Variants in ASIC2 observed in about 807,000 individuals in gnomAD.
ASIC2 encodes acid sensing ion channel subunit 2, also known as acid-sensing ion channel 2.
ASIC2 carries 25 observed loss-of-function variants against 57.3 expected under a neutral mutation model. The ratio of observed to expected loss-of-function variants is 0.44; its 90% confidence interval spans 0.32 to 0.61. The LOEUF is 0.61. Among genes scored for constraint, ASIC2 ranks in the 20% least tolerant of loss-of-function variants. The pLI, the probability that ASIC2 is intolerant of heterozygous loss-of-function variation, is 0.06. For missense variants in ASIC2, 641 were observed against 738.1 expected (o/e 0.87, Z 1.52); for synonymous variants, 319 against 307.5 (o/e 1.04, Z -0.39).
At chr17:34,059,723 TC>T (rs935557262) in intron 1 of ASIC2, among the ~76,000 whole-genome samples, 5 of 151,936 alleles carry the variant, frequency 3.3e-5, no homozygotes, top group Non-Finnish European at 5.9e-5. Flanking sequence ...CTGCCGGCTT[TC>T]CCCTACTTCC....
In ASIC2 at chr17:33,017,615, T is replaced by C. The variant is rs768371253; in HGVS notation, c.1511A>G (p.Tyr504Cys). The change falls in exon 8 of 10, where the codon TAT (tyrosine) becomes TGT (cysteine). Residue 504 changes from tyrosine to cysteine, a missense_variant. Coordinates refer to ENST00000225823, the MANE Select transcript of ASIC2 (RefSeq NM_183377.2). The stretch of plus-strand genomic sequence containing the variant: ...AATCCCAAATCTTACCTCATAAATA[T>C]AATCAAAGAGCTCTAGTATTGTAAG... Reference protein sequence around the residue: ...SILTILELFDYIYELIKEKLL... With the variant: ...SILTILELFDCIYELIKEKLL... The C allele has an allele frequency of 1.9e-6, 3 of 1,612,684 alleles. No homozygotes were observed. The East Asian group carries it at 6.7e-5, about 36-fold the overall frequency.
chr17:34,016,285 G>A (rs975511547), intron 1 of ASIC2, among the ~76,000 whole-genome samples: 4 of 151,954 alleles, frequency 2.6e-5, no homozygotes, highest in South Asian at 2.1e-4. Flanking sequence ...TTGGCCAGGC[G>A]CGGTGGTGGG....
chr17:33,405,780 C>A (rs550602159), intron 1 of ASIC2, among the ~76,000 whole-genome samples: 8 of 152,218 alleles, frequency 5.3e-5, no homozygotes, highest in African/African-American at 1.9e-4. Flanking sequence ...CCACACCGGG[C>A]CAAGACAGCA....
At chr17:33,411,535 G>A (rs553237531) in intron 1 of ASIC2, among the ~76,000 whole-genome samples, 3 of 152,300 alleles carry the variant, frequency 2.0e-5, no homozygotes, top group East Asian at 1.9e-4. Context: ...AAGCTGGCAA[G>A]GAAGGGAAAG....
At chr17:33,191,457 A>G (rs1256442989) in intron 1 of ASIC2, among the ~76,000 whole-genome samples, 1 of 152,124 alleles carries the variant, frequency 6.6e-6, no homozygotes, top group Non-Finnish European at 1.5e-5. Context: ...ATCAGATTAA[A>G]CACTTTAAAT....
At chr17:33,800,031 G>C (rs1267175373) in intron 1 of ASIC2, among the ~76,000 whole-genome samples, 1 of 152,160 alleles carries the variant, frequency 6.6e-6, no homozygotes, top group Non-Finnish European at 1.5e-5. Flanking sequence ...TCTGGATCCT[G>C]TATATAGAGA....
intron 1 of ASIC2, among the ~76,000 whole-genome samples, chr17:33,748,188 C>A (rs933728200): frequency 5.9e-5 from 9 of 152,340 alleles, no homozygotes; most frequent in African/African-American, 1.9e-4. Flanking sequence ...GCCCTCCTAG[C>A]CACCTGCCTC....
intron 1 of ASIC2, among the ~76,000 whole-genome samples, chr17:33,593,855 ACTGAAGATTATTCTCAGTAT>A (rs1162478393): frequency 2.0e-5 from 3 of 152,214 alleles, no homozygotes; most frequent in Non-Finnish European, 4.4e-5. Context: ...TTCTCCAAAG[ACTGAAGATTATTCTCAGTAT>A]CTGCACAGCC....
At chr17:34,031,298 G>A (rs938893157) in intron 1 of ASIC2, among the ~76,000 whole-genome samples, 1 of 152,156 alleles carries the variant, frequency 6.6e-6, no homozygotes, top group African/African-American at 2.4e-5. Flanking sequence ...TGCAGCTGAG[G>A]GTCCTATCTG....
chr17:33,415,316 C>T (rs1165464674), intron 1 of ASIC2, among the ~76,000 whole-genome samples: 1 of 152,174 alleles, frequency 6.6e-6, no homozygotes, highest in African/African-American at 2.4e-5. Flanking sequence ...TACACATATC[C>T]TCCCATATAC....
chr17:33,282,479 G>GCT (rs139136868), intron 1 of ASIC2, among the ~76,000 whole-genome samples: 20,695 of 146,726 alleles, frequency 0.14, 1,412 homozygotes, highest in Middle Eastern at 0.22. Context: ...GTGTGTGCTT[G>GCT]TGTGTGTGTG....
At chr17:33,782,650 G>C (rs1040456467) in intron 1 of ASIC2, among the ~76,000 whole-genome samples, 1 of 152,102 alleles carries the variant, frequency 6.6e-6, no homozygotes, top group Non-Finnish European at 1.5e-5. Flanking sequence ...GGTTGCCTGA[G>C]CCTGGGAAGT....
rs577856961 is a variant in ASIC2 at position 34,088,517 on chromosome 17, G to A, written c.555+67461C>T. Among the ~76,000 whole-genome samples the A allele has an allele frequency of 6.1e-4, 93 of 152,338 alleles. 1 individual carries two copies. The highest frequency in any genetic ancestry group is 1.8e-3 in the African/African-American group (76 of 41,578). On this transcript the variant is annotated intron_variant, in intron 1 of 9. Coordinates refer to the ASIC2 transcript ENST00000359872. ...ACCCACTTGAGGAGGCAGTCTGCCC[G>A]TTCTCAGATCTCCAGCTGTGTGCTA...
intron 1 of ASIC2, among the ~76,000 whole-genome samples, chr17:33,635,969 G>T (rs553475198): frequency 6.6e-6 from 1 of 152,282 alleles, no homozygotes; most frequent in South Asian, 2.1e-4. Flanking sequence ...TGCATACAAA[G>T]TAATAGTATG....
intron 3 of ASIC2, among the ~76,000 whole-genome samples, chr17:33,051,154 G>A (rs1355587959): frequency 1.3e-5 from 2 of 152,208 alleles, no homozygotes; most frequent in Admixed American, 1.3e-4. Context: ...TATGTCTCAG[G>A]ATGCTTTGCC....
At chr17:33,024,278 C>T (rs1445804631) in intron 5 of ASIC2, among the ~76,000 whole-genome samples, 1 of 152,168 alleles carries the variant, frequency 6.6e-6, no homozygotes, top group Non-Finnish European at 1.5e-5. Flanking sequence ...CCAAGAGAGT[C>T]CTGGTGTCCT....
At chr17:34,093,602 T>C (rs910725892) in intron 1 of ASIC2, among the ~76,000 whole-genome samples, 5 of 152,240 alleles carry the variant, frequency 3.3e-5, no homozygotes, top group Non-Finnish European at 7.3e-5. Context: ...GAATATTTGT[T>C]GGCTGGATGA....
At chr17:33,314,287 C>T (rs912612230) in intron 1 of ASIC2, among the ~76,000 whole-genome samples, 2 of 152,196 alleles carry the variant, frequency 1.3e-5, no homozygotes, top group Non-Finnish European at 2.9e-5. Context: ...TTTCCTTCTT[C>T]CTTTCTCTTT....
intron 1 of ASIC2, chr17:33,533,573 T>G (rs990501025): frequency 9.2e-5 from 14 of 152,276 alleles, no homozygotes; most frequent in African/African-American, 3.4e-4. Context: ...TCTGAGAAGC[T>G]TTTCCAGATT....
Sources: allele counts gnomAD v4.1 joint callset (sites outside exome capture counted in the v4.1 genomes callset), GRCh38; gene constraint gnomAD v4.1.1; transcripts MANE v1.5; gene names NCBI Gene and HGNC (gene_info 2026-07-23, HGNC 2026-07-21).